The following DNHD1 variants were observed in gnomAD, a reference collection of about 807,000 sequenced individuals.
DNHD1 encodes dynein heavy chain domain-containing protein 1.
A neutral mutation model predicts 458.1 loss-of-function variants in DNHD1; 383 were observed. The observed-to-expected ratio is 0.84, with a 90% CI of 0.77 to 0.91. The LOEUF (loss-of-function observed/expected upper bound fraction) is 0.91, where lower values mean the gene tolerates loss of function less well. DNHD1 is among the 40% of genes least tolerant of loss of function. DNHD1 has a pLI of 0.00. For synonymous variants in DNHD1, 2,203 were observed against 2,376.9 expected (o/e 0.93, Z 2.13); for missense variants, 5,336 against 5,866.1 (o/e 0.91, Z 2.95).
chr11:6,524,365 C>A (rs1852665652), intron 10 of DNHD1, among the ~76,000 whole-genome samples: 1 of 152,154 alleles, frequency 6.6e-6, no homozygotes, highest in Admixed American at 6.5e-5. Flanking sequence ...TTTTTCATCT[C>A]TTCTCTCTGT....
chr11:6,540,028 C>T lies in DNHD1; in HGVS notation c.3573C>T (p.Leu1191=), dbSNP rs1285667697. 6.4e-7 allele frequency: 1 copy of T among 1,551,698 alleles called. No individual in the cohort carries two copies. The highest frequency in any genetic ancestry group is 1.2e-5 in the South Asian group (1 of 84,060). Residue 1191 remains leucine (L), a synonymous_variant, in exon 18 of 43, where the codon CTC becomes CTT. Transcript: ENST00000254579. ...PASERSKRQV[L]RSPQWEVVDK... is the part of the protein sequence containing the mutation. ...CAGAGCGCTCCAAGAGGCAGGTGCTCCGCAGCCCCCAATGGGAGGTAGTGG... is the reference window on the plus strand; with the variant it reads ...CAGAGCGCTCCAAGAGGCAGGTGCTTCGCAGCCCCCAATGGGAGGTAGTGG...
At position 6,508,618 on chromosome 11, in the gene DNHD1, A is replaced by G. The variant is rs934058268; in HGVS notation, c.921-262A>G. The G allele has an allele frequency of 1.1e-5, 5 of 441,552 alleles. No homozygotes were observed. The South Asian group carries it at 1.2e-4, about 11-fold the overall frequency. The allele number at this position is 441,552 out of a possible 1,614,324, so 27.4% of individuals were successfully genotyped here. Reference sequence around the variant, plus strand: ...TCTTAGATCTGATGGGATGTAAGATATCTGCATTTGAAGATATGAACTTCT... The same window carrying G: ...TCTTAGATCTGATGGGATGTAAGATGTCTGCATTTGAAGATATGAACTTCT... On this transcript the variant is annotated intron_variant, in intron 4 of 42. Transcript: ENST00000254579.
In DNHD1 at chr11:6,547,648, G is replaced by A; in HGVS notation, c.6709G>A (p.Glu2237Lys). 6.5e-7 allele frequency: 1 copy of A among 1,526,930 alleles called. No homozygotes were observed. Among genetic ancestry groups the A allele is most frequent in the Non-Finnish European group, 8.8e-7 (1 of 1,130,492 alleles). The allele number at this position is 1,526,930 out of a possible 1,614,324, so 94.6% of individuals were successfully genotyped here. A position where few individuals can be genotyped will look rare whatever the true frequency, so the allele number is the denominator to read the frequency against. Residue 2237 changes from glutamate (E) to lysine (K), a missense_variant, in exon 21 of 43, where the codon GAG becomes AAG. This residue lies in a region of DNHD1 where 3,932 missense variants were observed against 4,365.6 expected (regional missense o/e 0.90). Transcript: ENST00000254579. ...TGACCTCCACCTTCGCCTAAAGGAG[G>A]AGAAGGCCCCTGGCCCAGGTGGGAA... ...LLDLHLRLKE[E>K]KAPGPEDLSY...
Position 6,557,179 on chromosome 11 carries a change from C to G in DNHD1, c.7884C>G (p.Gly2628=). ...NHQEHLRRVS[G]LRGTCLTVMM... is the part of the protein sequence containing the mutation. Reference sequence around the variant, plus strand: ...AGGAGCACTTGCGCCGGGTGTCAGGCCTGCGAGGCACTTGTCTGACCGTTA... The same window carrying G: ...AGGAGCACTTGCGCCGGGTGTCAGGGCTGCGAGGCACTTGTCTGACCGTTA... Residue 2628 remains glycine, a synonymous_variant, in exon 25 of 43, where the codon GGC becomes GGG. Transcript: ENST00000254579. 6.4e-7 allele frequency: 1 copy of G among 1,551,730 alleles called. No individual in the cohort carries two copies. Among genetic ancestry groups the G allele is most frequent in the Non-Finnish European group, 8.7e-7 (1 of 1,147,002 alleles).
chr11:6,523,325 C>T (rs1852640666), intron 10 of DNHD1, among the ~76,000 whole-genome samples: 1 of 152,030 alleles, frequency 6.6e-6, no homozygotes, highest in Non-Finnish European at 1.5e-5. Flanking sequence ...GAGGTATGAG[C>T]AGTAGGACTA....
intron 24 of DNHD1, among the ~76,000 whole-genome samples, chr11:6,552,432 G>A (rs1336376809): frequency 6.6e-6 from 1 of 152,094 alleles, no homozygotes; most frequent in Non-Finnish European, 1.5e-5. Context: ...GCTGAGGCAG[G>A]AGAATCGCTT....
intron 4 of DNHD1, chr11:6,503,280 T>C (rs1372439621): frequency 5.4e-6 from 1 of 183,606 alleles, no homozygotes; most frequent in Non-Finnish European, 1.1e-5. Flanking sequence ...AACATGTGTT[T>C]GTTTAAATCT....
chr11:6,527,939 C>T (rs1852743133), intron 10 of DNHD1, among the ~76,000 whole-genome samples: 1 of 152,202 alleles, frequency 6.6e-6, no homozygotes, highest in African/African-American at 2.4e-5. Flanking sequence ...AATATTCATT[C>T]CCAGCAACTC....
At chr11:6,524,448 T>A (rs1317271646) in intron 10 of DNHD1, among the ~76,000 whole-genome samples, 1 of 152,222 alleles carries the variant, frequency 6.6e-6, no homozygotes, top group Non-Finnish European at 1.5e-5. Context: ...TCTGTTCCCT[T>A]ATAACTACTT....
chr11:6,507,044 C>A (rs1852242475), intron 4 of DNHD1, among the ~76,000 whole-genome samples: 1 of 152,150 alleles, frequency 6.6e-6, no homozygotes, highest in Admixed American at 6.5e-5. Flanking sequence ...ACAGCTGAAT[C>A]TTTGGTTCTG....
At chr11:6,508,770 C>T in intron 4 of DNHD1, 110 bp from the exon 5 acceptor site, 1 of 930,190 alleles carries the variant, frequency 1.1e-6, no homozygotes, top group Non-Finnish European at 1.6e-6. Context: ...TTTCTCCTTT[C>T]TTCTGCCTGC....
rs7129801 is a variant in DNHD1, at chr11:6,571,968, C to T, written c.14244C>T (p.Cys4748=). ...GTGTCCAAAGGAGGGTCCATGTGTGCAGCCCACCCCTGTCTTGAGCCCGTC... is the reference window on the plus strand; with the variant it reads ...GTGTCCAAAGGAGGGTCCATGTGTGTAGCCCACCCCTGTCTTGAGCCCGTC... The part of the protein sequence containing the change: ...NTCVQRRVHV[C]SPPLS Residue 4748 remains cysteine (C), a synonymous_variant, in exon 43 of 43, where the codon TGC becomes TGT. Transcript: ENST00000254579. The surrounding 1 kb of genome is among the most constrained non-coding windows in gnomAD (Gnocchi z 5.0). 8,366 of 1,606,672 alleles carry T rather than the reference C, an allele frequency of 5.2e-3. 408 individuals are homozygous for T. The African/African-American group carries it at 0.1, about 19-fold the overall frequency.
intron 14 of DNHD1, among the ~76,000 whole-genome samples, chr11:6,536,066 T>C (rs918122329): frequency 3.3e-5 from 5 of 152,178 alleles, no homozygotes; most frequent in African/African-American, 1.2e-4. Flanking sequence ...ATATCACTTA[T>C]GTAGTAGTCC....
chr11:6,559,986 A>G (rs765740841), intron 28 of DNHD1, among the ~76,000 whole-genome samples: 2 of 152,168 alleles, frequency 1.3e-5, no homozygotes, highest in African/African-American at 2.4e-5. Flanking sequence ...GAACAATCTT[A>G]TTCTTTGAAT....
chr11:6,515,843 G>C (rs1852452564), intron 7 of DNHD1, among the ~76,000 whole-genome samples: 1 of 145,902 alleles, frequency 6.9e-6, no homozygotes, highest in African/African-American at 2.6e-5. Flanking sequence ...GGAGTGCAGT[G>C]GCATGATTTT....
intron 40 of DNHD1, 42 bp from the exon 41 acceptor site, chr11:6,570,205 A>G (rs987739289): frequency 1.1e-5 from 18 of 1,611,722 alleles, no homozygotes; most frequent in Non-Finnish European, 1.5e-5. Context: ...GGTGGTGGAA[A>G]CTGAAGGTAC....
chr11:6,514,093 G>T (rs766854996), intron 7 of DNHD1, among the ~76,000 whole-genome samples: 1 of 151,942 alleles, frequency 6.6e-6, no homozygotes, highest in African/African-American at 2.4e-5. Flanking sequence ...TGATCCACCT[G>T]CCTCAGCCTC....
chr11:6,557,205 T>G lies in DNHD1; in HGVS notation c.7910T>G (p.Met2637Arg). The change falls in exon 25 of 43, where the codon ATG becomes AGG. Residue 2637 changes from methionine (M) to arginine (R), a missense_variant. Around this residue, in one of 4 missense-constraint regions of DNHD1, gnomAD observed 3,932 missense variants for 4,365.6 expected, o/e 0.90. Coordinates refer to ENST00000254579, the MANE Select transcript of DNHD1 (RefSeq NM_144666.3). ...CTGCGAGGCACTTGTCTGACCGTTA[T>G]GATGGCCACACGCAATGTGGTGCGT... The part of the protein sequence containing the change: ...SGLRGTCLTV[M>R]MATRNVVRLW... The G allele has an allele frequency of 6.4e-7, 1 of 1,551,686 alleles. No homozygotes were observed.
Position 6,547,382 on chromosome 11 carries a change from G to A in DNHD1, c.6443G>A (p.Gly2148Asp), listed in dbSNP as rs900676817. ...VVGCCALVWC[G>D]GEQTWQCILS... The stretch of plus-strand genomic sequence containing the variant: ...GGCTGTTGTGCCCTAGTCTGGTGTG[G>A]TGGAGAGCAGACTTGGCAGTGTATA... Residue 2148 changes from glycine (G) to aspartate (D), a missense_variant, in exon 21 of 43, where the codon GGT (glycine) becomes GAT (aspartate). Gly to Asp is a moderately conservative substitution (Grantham distance 94). Around this residue, in one of 4 missense-constraint regions of DNHD1, gnomAD observed 3,932 missense variants for 4,365.6 expected, o/e 0.90. Transcript: ENST00000254579. 6.4e-7 allele frequency: 1 copy of A among 1,551,764 alleles called. No individual in the cohort carries two copies. Among genetic ancestry groups the A allele is most frequent in the Non-Finnish European group, 8.7e-7 (1 of 1,147,002 alleles).
Sources: allele counts gnomAD v4.1 joint callset (sites outside exome capture counted in the v4.1 genomes callset), GRCh38; gene constraint gnomAD v4.1.1; regional missense constraint gnomAD v4.1.1; non-coding constraint Gnocchi (gnomAD v3.1); transcripts MANE v1.5; gene names NCBI Gene and HGNC (gene_info 2026-07-23, HGNC 2026-07-21).